The following NTM variants were observed in gnomAD, a reference collection of about 807,000 sequenced individuals.
The protein encoded by NTM is IgLON family member 2.
A neutral mutation model predicts 42.1 loss-of-function variants in NTM; 13 were observed. The ratio of observed to expected loss-of-function variants is 0.31; its 90% CI spans 0.20 to 0.49. The LOEUF (loss-of-function observed/expected upper bound fraction) is 0.49, where lower values mean the gene tolerates loss of function less well. Among genes scored for constraint, NTM ranks in the 20% least tolerant of loss-of-function variants. NTM has a pLI of 0.99. For missense variants in NTM, 373 were observed against 452.8 expected (o/e 0.82, Z 1.60); for synonymous variants, 187 against 179.2 (o/e 1.04, Z -0.35).
chr11:131,800,599 C>T (rs2092019504), intron 1 of NTM, among the ~76,000 whole-genome samples: 2 of 152,240 alleles, frequency 1.3e-5, no homozygotes. Flanking sequence ...CTTTCTGCAG[C>T]ACACACTGGC....
intron 2 of NTM, among the ~76,000 whole-genome samples, chr11:131,926,734 G>A (rs1432720829): frequency 1.3e-5 from 2 of 152,204 alleles, no homozygotes; most frequent in Non-Finnish European, 2.9e-5. Flanking sequence ...TGCGCACAGA[G>A]GCCTGGTAGT....
chr11:131,999,170 G>A (rs1426419460), intron 2 of NTM, among the ~76,000 whole-genome samples: 1 of 152,154 alleles, frequency 6.6e-6, no homozygotes, highest in Non-Finnish European at 1.5e-5. Flanking sequence ...GGGTGCAGAA[G>A]CAAGGAGGGG....
chr11:131,920,845 G>C (rs1247840728), intron 2 of NTM, among the ~76,000 whole-genome samples: 1 of 152,124 alleles, frequency 6.6e-6, no homozygotes, highest in Non-Finnish European at 1.5e-5. Flanking sequence ...AAGCTTTGTT[G>C]GGTTCATGGA....
At chr11:131,491,623 A>ACC (rs545856032) in intron 1 of NTM, among the ~76,000 whole-genome samples, 99 of 152,320 alleles carry the variant, frequency 6.5e-4, no homozygotes, top group Middle Eastern at 6.8e-3. Context: ...ATTAACTAAT[A>ACC]AAGTACTGGA....
At chr11:132,068,286 A>T (rs2056831336) in intron 2 of NTM, among the ~76,000 whole-genome samples, 1 of 152,170 alleles carries the variant, frequency 6.6e-6, no homozygotes, top group African/African-American at 2.4e-5. Context: ...CTCACATTTT[A>T]CTATAAGCAG....
At chr11:131,396,454 C>G (rs1030075320) in intron 1 of NTM, among the ~76,000 whole-genome samples, 2 of 152,062 alleles carry the variant, frequency 1.3e-5, no homozygotes, top group Non-Finnish European at 2.9e-5. Context: ...CGGTCTGTTG[C>G]TTTTAGATCA....
At chr11:132,222,946 G>A (rs191229103) in intron 4 of NTM, among the ~76,000 whole-genome samples, 20 of 152,266 alleles carry the variant, frequency 1.3e-4, no homozygotes, top group Admixed American at 1.2e-3. Context: ...TTTATGGAGT[G>A]CTTTGCTGAG....
intron 2 of NTM, among the ~76,000 whole-genome samples, chr11:132,122,862 TC>T (rs1487883313): frequency 2.0e-5 from 3 of 152,136 alleles, no homozygotes; most frequent in Admixed American, 1.3e-4. Context: ...AGAATTAGAT[TC>T]CTGTTGCCTT....
At chr11:131,755,733 T>G (rs1484513167) in intron 1 of NTM, among the ~76,000 whole-genome samples, 1 of 152,182 alleles carries the variant, frequency 6.6e-6, no homozygotes, top group Non-Finnish European at 1.5e-5. Context: ...ACATAGAAAA[T>G]AGGGAGCAAC....
chr11:131,904,735 G>A (rs1243590011), intron 1 of NTM, among the ~76,000 whole-genome samples: 1 of 152,134 alleles, frequency 6.6e-6, no homozygotes, highest in East Asian at 1.9e-4. Flanking sequence ...CTACTTTTCT[G>A]TTGTACTTTC....
chr11:132,162,323 G>A (rs541416301), intron 3 of NTM, among the ~76,000 whole-genome samples: 20 of 151,676 alleles, frequency 1.3e-4, no homozygotes, highest in African/African-American at 4.6e-4. Context: ...TGGGTGGAGT[G>A]TTGATGTGAT....
chr11:131,432,918 G>A (rs1222183559), intron 1 of NTM, among the ~76,000 whole-genome samples: 1 of 129,054 alleles, frequency 7.7e-6, no homozygotes, highest in East Asian at 2.6e-4. Context: ...GCGGTGGCGC[G>A]ATCACAGCTC....
chr11:131,740,088 G>A (rs1565488168), intron 1 of NTM, among the ~76,000 whole-genome samples: 1 of 152,204 alleles, frequency 6.6e-6, no homozygotes, highest in Admixed American at 6.5e-5. Context: ...CCGACTCTCA[G>A]TTTTCTTATT....
chr11:132,236,630 C>T (rs990438847), intron 4 of NTM, among the ~76,000 whole-genome samples: 8 of 152,144 alleles, frequency 5.3e-5, no homozygotes, highest in Non-Finnish European at 1.2e-4. Context: ...ATGGACAGAG[C>T]AATGAAAAGG....
chr11:132,302,694 A>T (rs1358638581), intron 4 of NTM, among the ~76,000 whole-genome samples: 1 of 152,200 alleles, frequency 6.6e-6, no homozygotes, highest in African/African-American at 2.4e-5. Context: ...CTTCAATCGC[A>T]TTGGAAAAAG....
chr11:132,068,632 T>C (rs2136112728), intron 2 of NTM, among the ~76,000 whole-genome samples: 1 of 152,358 alleles, frequency 6.6e-6, no homozygotes, highest in South Asian at 2.1e-4. Flanking sequence ...TAGCAATAAC[T>C]CACTTCCTTG....
chr11:131,409,754 T>C (rs1946172898), intron 1 of NTM, among the ~76,000 whole-genome samples: 1 of 152,220 alleles, frequency 6.6e-6, no homozygotes, highest in South Asian at 2.1e-4. Context: ...AGCCTGCCTT[T>C]GGAAGCGCCT....
At chr11:131,592,056 AGGTTAAGTCAAT>A (rs2059410666) in intron 1 of NTM, among the ~76,000 whole-genome samples, 1 of 152,190 alleles carries the variant, frequency 6.6e-6, no homozygotes, top group Non-Finnish European at 1.5e-5. Flanking sequence ...TCCTCATAAC[AGGTTAAGTCAAT>A]GGTTAAGTCA....
At chr11:132,280,921 A>G (rs959271229) in intron 4 of NTM, among the ~76,000 whole-genome samples, 27 of 152,224 alleles carry the variant, frequency 1.8e-4, no homozygotes, top group African/African-American at 6.5e-4. Context: ...CAGGGCAGTC[A>G]TTGGCTAAGA....
Sources: gnomAD v4.1 joint callset for allele counts (sites outside exome capture counted in the v4.1 genomes callset) on GRCh38, gnomAD v4.1.1 for gene constraint, MANE v1.5 for transcripts, NCBI Gene and HGNC (gene_info 2026-07-23, HGNC 2026-07-21) for gene names.